AGRN: variants seen among roughly 807,000 people sequenced by gnomAD.
AGRN encodes agrin, also known as agrin proteoglycan.
Under a neutral mutation model 211.0 loss-of-function variants are expected in AGRN, and 106 were observed. That is an observed-to-expected ratio of 0.50 (90% CI 0.43 to 0.59). The LOEUF is 0.59. Ranked by LOEUF, AGRN falls within the 20% of genes least tolerant of loss-of-function variation. The pLI is 0.00. For missense variants in AGRN, 3,040 were observed against 2,982.6 expected (o/e 1.02, Z -0.45); for synonymous variants, 1,525 against 1,332.5 (o/e 1.14, Z -3.15).
intron 34 of AGRN, 101 bp downstream of exon 34, chr1:1,054,078 C>A: frequency 1.5e-6 from 2 of 1,302,592 alleles, no homozygotes; most frequent in Non-Finnish European, 2.2e-6. Context: ...TCAGGGAGGA[C>A]ACGCCTTGCT....
chr1:1,022,554 CGT>C, intron 2 of AGRN, 92 bp downstream of exon 2: 1 of 1,086,340 alleles, frequency 9.2e-7, no homozygotes, highest in South Asian at 1.6e-5. Flanking sequence ...GGGGTCCTTT[CGT>C]GCTGTGCCGG....
chr1:1,043,905 G>A lies in AGRN; in HGVS notation c.1881G>A (p.Pro627=), dbSNP rs755828129. The A allele has an allele frequency of 2.4e-5, 38 of 1,610,062 alleles. No homozygotes were observed. The East Asian group carries it at 3.3e-4, about 14-fold the overall frequency. ...QCVCPRCEHP[P]PGPVCGSDGV... ...TGTGTCCCCGGTGTGAGCACCCCCC[G>A]CCCGGCCCCGTGTGTGGCAGCGACG... The change falls in exon 10 of 36, where the codon CCG becomes CCA. Residue 627 remains proline (P), a synonymous_variant. Coordinates refer to ENST00000379370, the MANE Select transcript of AGRN (RefSeq NM_198576.4).
rs748666579 is a variant in AGRN at position 1,046,928 on chromosome 1, C to T, written c.3359C>T (p.Ser1120Leu). Reference sequence around the variant, plus strand: ...TGCTGCTCTGATGGGAAGACGCCCTCGCTGGACGCAGAGGGCTCCAACTGC... The same window carrying T: ...TGCTGCTCTGATGGGAAGACGCCCTTGCTGGACGCAGAGGGCTCCAACTGC... ...LGCCSDGKTP[S>L]LDAEGSNCPA... The change falls in exon 19 of 36, where the codon TCG becomes TTG. Residue 1120 changes from serine to leucine, a missense_variant. Coordinates refer to ENST00000379370, the MANE Select transcript of AGRN (RefSeq NM_198576.4). 1.8e-5 allele frequency: 29 copies of T among 1,579,570 alleles called. No homozygotes were observed. The African/African-American group carries it at 1.9e-4, about 10-fold the overall frequency.
intron 17 of AGRN, 23 bp downstream of exon 17, chr1:1,046,288 C>T: frequency 6.2e-7 from 1 of 1,612,826 alleles, no homozygotes; most frequent in Non-Finnish European, 8.5e-7. Flanking sequence ...GGCCACTGCC[C>T]CAGAACTGAC....
At position 1,054,975 on chromosome 1, in the gene AGRN, C is replaced by A; in HGVS notation, c.6132C>A (p.Thr2044=). The change falls in exon 36 of 36, where the codon ACC becomes ACA. Residue 2044 remains threonine, a synonymous_variant. Coordinates refer to ENST00000379370, the MANE Select transcript of AGRN (RefSeq NM_198576.4). ...VTKPELRPCP[T]P is the part of the protein sequence containing the mutation. ...AGCCAGAGCTGCGGCCCTGCCCCAC[C>A]CCATGAGCTGGCACCAGAGCCCCGC... 2 of 1,548,686 alleles carry A rather than the reference C, an allele frequency of 1.3e-6. No individual in the cohort carries two copies. The highest frequency in any genetic ancestry group is 1.7e-6 in the Non-Finnish European group (2 of 1,147,048).
intron 7 of AGRN, 121 bp from the exon 8 acceptor site, chr1:1,043,118 C>A: frequency 8.8e-7 from 1 of 1,136,540 alleles, no homozygotes; most frequent in Non-Finnish European, 1.3e-6. Context: ...GGCCCTTCTC[C>A]TGTGTTCTCT....
At position 1,048,563 on chromosome 1, in the gene AGRN, G is replaced by A; in HGVS notation, c.4105+198G>A. The stretch of plus-strand genomic sequence containing the variant: ...AGGCAGGCGGATCACCTGAGGTCGG[G>A]AGTTCGAGACCAGCCTGACCAACAT... On this transcript the variant is annotated intron_variant, in intron 23 of 35. Coordinates refer to ENST00000379370, the MANE Select transcript of AGRN (RefSeq NM_198576.4). This position sits in a 1 kb window ranked among gnomAD's most constrained non-coding sequence, Gnocchi z 5.9. 1.7e-6 allele frequency: 1 copy of A among 599,826 alleles called. No homozygotes were observed. The highest frequency in any genetic ancestry group is 2.9e-6 in the Non-Finnish European group (1 of 350,850). 37.2% of individuals were successfully genotyped at this position (599,826 alleles called of 1,614,324 possible).
intron 26 of AGRN, 36 bp downstream of exon 26, chr1:1,049,831 C>A (rs367608697): frequency 6.2e-7 from 1 of 1,609,992 alleles, no homozygotes; most frequent in East Asian, 2.2e-5. Flanking sequence ...GAGTGGGACC[C>A]CGGGGCCTGT....
At chr1:1,030,882 G>GTGT (rs1644655595) in intron 2 of AGRN, among the ~76,000 whole-genome samples, 1 of 112,006 alleles carries the variant, frequency 8.9e-6, no homozygotes, top group Non-Finnish European at 1.8e-5. Flanking sequence ...TGCTGTGTGA[G>GTGT]ATCAGCATGT....
chr1:1,030,353 C>T (rs111161673), intron 2 of AGRN, among the ~76,000 whole-genome samples: 65 of 93,770 alleles, frequency 6.9e-4, no homozygotes, highest in Middle Eastern at 6.9e-3. Context: ...GTGTGTGCAG[C>T]GCATGGTGCT....
Position 1,048,362 on chromosome 1 carries a change from A to G in AGRN, c.4102A>G (p.Lys1368Glu). The part of the protein sequence containing the change: ...PAGRGGAVCE[K>E]VLGAPVPAFE... ...AGGCAGGGGAGGCGCCGTCTGTGAG[A>G]AGGGTAAGGATGTCCACTGCAGAGG... Residue 1368 changes from lysine to glutamate, a missense_variant, in exon 23 of 36, where the codon AAG (lysine) becomes GAG (glutamate). Lys to Glu is a moderately conservative substitution (Grantham distance 56). Coordinates refer to ENST00000379370, the MANE Select transcript of AGRN (RefSeq NM_198576.4). The surrounding 1 kb of genome is among the most constrained non-coding windows in gnomAD (Gnocchi z 5.9). 6.9e-7 allele frequency: 1 copy of G among 1,456,902 alleles called. No individual in the cohort carries two copies. The highest frequency in any genetic ancestry group is 1.4e-5 in the South Asian group (1 of 69,100). 90.2% of individuals were successfully genotyped at this position (1,456,902 alleles called of 1,614,324 possible). A position where few individuals can be genotyped will look rare whatever the true frequency, so the allele number is the denominator to read the frequency against.
chr1:1,022,404 C>T lies in AGRN; in HGVS notation c.405C>T (p.Asn135=), dbSNP rs1644426137. The change falls in exon 2 of 36, where the codon AAC becomes AAT. Residue 135 remains asparagine, a synonymous_variant. Coordinates refer to ENST00000379370, the MANE Select transcript of AGRN (RefSeq NM_198576.4). ...WPAHKNELML[N]SSLMRITLRN... is the part of the protein sequence containing the mutation. ...CCCACAAGAACGAGCTGATGCTCAA[C>T]TCCAGCCTCATGCGGATCACCCTGC... 1.2e-6 allele frequency: 2 copies of T among 1,613,418 alleles called. No homozygotes were observed. Among genetic ancestry groups the T allele is most frequent in the Non-Finnish European group, 1.7e-6 (2 of 1,179,976 alleles).
rs1293170563 is a variant in AGRN at position 1,055,333 on chromosome 1, G to A, written c.*352G>A. On this transcript the variant is annotated 3_prime_UTR_variant, in exon 36 of 36. Coordinates refer to ENST00000379370, the MANE Select transcript of AGRN (RefSeq NM_198576.4). The stretch of plus-strand genomic sequence containing the variant: ...GGACTCGTGTCCCAGAGAGGAAGGG[G>A]CTGCTGAGGTCTGATGGGGCCCTTC... 2.9e-5 allele frequency: 11 copies of A among 384,126 alleles called. No individual in the cohort carries two copies. The Admixed American group carries it at 3.0e-4, about 10-fold the overall frequency. The allele number at this position is 384,126 out of a possible 1,614,324, so 23.8% of individuals were successfully genotyped here.
chr1:1,054,362 G>A (rs1645394816), intron 34 of AGRN, 86 bp from the exon 35 acceptor site: 1 of 1,246,588 alleles, frequency 8.0e-7, no homozygotes, highest in Admixed American at 2.0e-5. Context: ...GCACCTGCAG[G>A]GCATAGGAAG....
At position 1,047,445 on chromosome 1, in the gene AGRN, T is replaced by A; in HGVS notation, c.3507T>A (p.Ile1169=). 1 of 1,612,778 alleles carries A rather than the reference T, an allele frequency of 6.2e-7. No individual in the cohort carries two copies. The highest frequency in any genetic ancestry group is 1.1e-5 in the South Asian group (1 of 91,074). ...SELFGETARS[I]ESTLDDLFRN... ...TGTTCGGGGAGACAGCCAGGAGCATTGAGAGCACCGTAAGACGGGGGCGCA... is the reference window on the plus strand; with the variant it reads ...TGTTCGGGGAGACAGCCAGGAGCATAGAGAGCACCGTAAGACGGGGGCGCA... Residue 1169 remains isoleucine, a synonymous_variant, in exon 20 of 36, where the codon ATT becomes ATA. Transcript: ENST00000379370.
chr1:1,020,413 G>T (rs1222565382), intron 1 of AGRN, 40 bp downstream of exon 1: 1 of 1,476,676 alleles, frequency 6.8e-7, no homozygotes, highest in Admixed American at 2.2e-5. Context: ...CGCGACGCCT[G>T]CCGCCCCGCC....
rs779574711 is a variant in AGRN, at chr1:1,043,337, T to C, written c.1483T>C (p.Ser495Pro). 1 of 1,607,504 alleles carries C rather than the reference T, an allele frequency of 6.2e-7. No homozygotes were observed. Among genetic ancestry groups the C allele is most frequent in the Admixed American group, 1.7e-5 (1 of 58,792 alleles). ...AGCGTGTGAATGCCTGCAGGCGTGC[T>C]CGAGCCTCTACGATCCTGTGTGCGG... ...QAACECLQAC[S>P]SLYDPVCGSD... The change falls in exon 8 of 36, where the codon TCG becomes CCG. Residue 495 changes from serine to proline, a missense_variant. Physicochemically the swap from Ser to Pro is moderately conservative, Grantham distance 74. Coordinates refer to ENST00000379370, the MANE Select transcript of AGRN (RefSeq NM_198576.4).
At chr1:1,039,344 C>G (rs1461103519) in intron 3 of AGRN, among the ~76,000 whole-genome samples, 3 of 150,290 alleles carry the variant, frequency 2.0e-5, no homozygotes, top group Non-Finnish European at 3.0e-5. Context: ...AGCGCCAGAG[C>G]CTGGGGTGGG....
chr1:1,040,634 C>G lies in AGRN; in HGVS notation c.512-31C>G, dbSNP rs763907422. The G allele has an allele frequency of 4.0e-5, 62 of 1,545,676 alleles. No homozygotes were observed. In the Middle Eastern group the frequency reaches 6.3e-4, roughly 16 times the overall value. ...GTGGACGTGGGTACGGGCGTCTCGG[C>G]ACCCTGAGCTTTCTCCCCTACCCGC... On this transcript the variant is annotated intron_variant, in intron 3 of 35. Coordinates refer to ENST00000379370, the MANE Select transcript of AGRN (RefSeq NM_198576.4).
Sources: gnomAD v4.1 joint callset for allele counts (sites outside exome capture counted in the v4.1 genomes callset) on GRCh38, gnomAD v4.1.1 for gene constraint, Gnocchi (gnomAD v3.1) non-coding constraint, MANE v1.5 for transcripts, NCBI Gene and HGNC (gene_info 2026-07-23, HGNC 2026-07-21) for gene names.